PITPNM3: variants seen among roughly 807,000 people sequenced by gnomAD.
PITPNM3 encodes membrane-associated phosphatidylinositol transfer protein 3.
PITPNM3 carries 26 observed loss-of-function variants against 102.0 expected under a neutral mutation model. The observed-to-expected ratio is 0.25, with a 90% CI of 0.19 to 0.35. PITPNM3 has a LOEUF of 0.35. Among genes scored for constraint, PITPNM3 ranks in the 10% least tolerant of loss-of-function variants. The probability of loss-of-function intolerance (pLI) is 1.00; values close to 1 mark genes in which losing one functional copy is unlikely to be tolerated. For missense variants in PITPNM3, 1,083 were observed against 1,346.1 expected (o/e 0.80, Z 3.06); for synonymous variants, 578 against 558.6 (o/e 1.03, Z -0.49).
At chr17:6,531,434 T>C (rs958652159) in intron 2 of PITPNM3, among the ~76,000 whole-genome samples, 2 of 152,212 alleles carry the variant, frequency 1.3e-5, no homozygotes, top group Non-Finnish European at 2.9e-5. Flanking sequence ...CTCTAACATG[T>C]CAACCCATCC....
intron 17 of PITPNM3, among the ~76,000 whole-genome samples, chr17:6,463,337 G>A (rs374337817): frequency 6.7e-6 from 1 of 149,548 alleles, no homozygotes; most frequent in South Asian, 2.1e-4. Flanking sequence ...TCTGACTTAA[G>A]AGCTCGCTCT....
At chr17:6,551,884 G>C (rs188412433) in intron 1 of PITPNM3, among the ~76,000 whole-genome samples, 1 of 151,948 alleles carries the variant, frequency 6.6e-6, no homozygotes, top group East Asian at 1.9e-4. Flanking sequence ...GAGAGCACAC[G>C]CCCCACTCCA....
At chr17:6,493,983 C>A (rs1243357429) in intron 4 of PITPNM3, among the ~76,000 whole-genome samples, 2 of 152,174 alleles carry the variant, frequency 1.3e-5, no homozygotes, top group Non-Finnish European at 2.9e-5. Flanking sequence ...CACAGGGATG[C>A]TAGAGGGACA....
chr17:6,482,036 G>GTC lies in PITPNM3; in HGVS notation c.587+1479_587+1480dup, dbSNP rs1567670360. Among the ~76,000 whole-genome samples, 99 of 25,840 alleles carry GTC rather than the reference G, an allele frequency of 3.8e-3. 5 individuals carry two copies. The highest frequency in any genetic ancestry group is 4.5e-3 in the Non-Finnish European group (57 of 12,766). The allele number at this position is 25,840 out of a possible 152,430, so 17.0% of individuals were successfully genotyped here. ...TCTCTCTCTCTCTCTCTCTCTCTCT[G>GTC]TCTGTCTCTCTCTCTCTCTCTCTCT... On this transcript the variant is annotated intron_variant, in intron 6 of 19. Transcript: ENST00000262483.
chr17:6,467,254 G>T (rs1597364914), intron 14 of PITPNM3, among the ~76,000 whole-genome samples: 1 of 152,184 alleles, frequency 6.6e-6, no homozygotes, highest in African/African-American at 2.4e-5. Flanking sequence ...CAAGAAGCCA[G>T]ACACAAATGG....
At position 6,464,643 on chromosome 17, in the gene PITPNM3, A is replaced by G. The variant is rs760249529; in HGVS notation, c.2007+12T>C. 6.2e-7 allele frequency: 1 copy of G among 1,610,276 alleles called. No individual in the cohort carries two copies. Among genetic ancestry groups the G allele is most frequent in the Middle Eastern group, 1.7e-4 (1 of 6,038 alleles). Reference sequence around the variant, plus strand: ...TGGAGTGGCTGAGGAGGGGAGGCCCAGCCCCAGGTACCTTCTCTCCAGTCA... The same window carrying G: ...TGGAGTGGCTGAGGAGGGGAGGCCCGGCCCCAGGTACCTTCTCTCCAGTCA... On this transcript the variant is annotated intron_variant, in intron 15 of 19. Transcript: ENST00000262483.
intron 3 of PITPNM3, among the ~76,000 whole-genome samples, chr17:6,506,047 C>G (rs544271847): frequency 6.6e-6 from 1 of 152,104 alleles, no homozygotes; most frequent in East Asian, 1.9e-4. Flanking sequence ...GAGCATGGTC[C>G]CATTTACAGA....
Position 6,464,282 on chromosome 17 carries a change from G to T in PITPNM3, c.2044C>A (p.Arg682Ser). ...ILVMAEPSSG[R>S]WVHLDTEITN... ...ATCTCTGTGTCCAGGTGTACCCAGCGGCCTGAGGATGGCTCTGCCATTACT... is the reference window on the plus strand; with the variant it reads ...ATCTCTGTGTCCAGGTGTACCCAGCTGCCTGAGGATGGCTCTGCCATTACT... The change falls in exon 16 of 20, where the codon CGC becomes AGC. Residue 682 changes from arginine to serine, a missense_variant. This residue lies in a region of PITPNM3 where 410 missense variants were observed against 638.4 expected (regional missense o/e 0.64). Transcript: ENST00000262483. 1.2e-6 allele frequency: 2 copies of T among 1,614,062 alleles called. No homozygotes were observed. The highest frequency in any genetic ancestry group is 1.7e-6 in the Non-Finnish European group (2 of 1,180,010).
At chr17:6,484,041 A>G (rs892910215) in intron 5 of PITPNM3, among the ~76,000 whole-genome samples, 175 bp downstream of exon 5, 1 of 152,126 alleles carries the variant, frequency 6.6e-6, no homozygotes, top group Non-Finnish European at 1.5e-5. Context: ...GTCCCAAGAG[A>G]TGCTTCCTGT....
chr17:6,512,002 T>C (rs56867539), intron 3 of PITPNM3, among the ~76,000 whole-genome samples: 9,285 of 152,176 alleles, frequency 0.061, 619 homozygotes, highest in East Asian at 0.16. Context: ...AGCAGGCTTA[T>C]GGGTGAAAAA....
At chr17:6,474,633 G>A (rs72830319) in intron 9 of PITPNM3, 29 bp from the exon 10 acceptor site, 2 of 1,547,878 alleles carry the variant, frequency 1.3e-6, no homozygotes, top group Non-Finnish European at 1.7e-6. Flanking sequence ...GCAGGGCAGG[G>A]CAGGTCAGGG....
At position 6,451,928 on chromosome 17, in the gene PITPNM3, G is replaced by C. The variant is rs998318184; in HGVS notation, c.*3410C>G. ...GGTGGGAAAGTTGGTTGTTTAAGGC[G>C]GGGTCAGGGCACCCCTCCCGGGGCT... On this transcript the variant is annotated 3_prime_UTR_variant, in exon 20 of 20. Transcript: ENST00000262483. 1 of 148,512 alleles carries C rather than the reference G, an allele frequency of 6.7e-6. No individual in the cohort carries two copies. Among genetic ancestry groups the C allele is most frequent in the African/African-American group, 2.5e-5 (1 of 40,140 alleles). 9.2% of individuals were successfully genotyped at this position (148,512 alleles called of 1,614,324 possible).
rs1439300071 is a variant in PITPNM3, at chr17:6,452,154, AC to A, written c.*3183del. On this transcript the variant is annotated 3_prime_UTR_variant, in exon 20 of 20. Transcript: ENST00000262483. ...ACACATTTGTTTGCTGTAGCCCAGC[AC>A]CCAGACAAGAGGGCCGTTCATCCCA... 6.6e-6 allele frequency: 1 copy of A among 152,126 alleles called. No homozygotes were observed. Among genetic ancestry groups the A allele is most frequent in the Non-Finnish European group, 1.5e-5 (1 of 68,048 alleles). The allele number at this position is 152,126 out of a possible 1,614,324, so 9.4% of individuals were successfully genotyped here.
chr17:6,502,872 G>A (rs555159244), intron 4 of PITPNM3, among the ~76,000 whole-genome samples: 16 of 152,128 alleles, frequency 1.1e-4, no homozygotes, highest in African/African-American at 3.4e-4. Context: ...GCCACATCTC[G>A]ACCAGGTCTT....
At position 6,542,780 on chromosome 17, in the gene PITPNM3, C is replaced by T. The variant is rs527565543; in HGVS notation, c.23-4698G>A. Reference sequence around the variant, plus strand: ...ACCTGAGGGGCTTCCAGGCAGCTGCCAGGGGCCCTCCCCAAGGCCTCAGAG... The same window carrying T: ...ACCTGAGGGGCTTCCAGGCAGCTGCTAGGGGCCCTCCCCAAGGCCTCAGAG... On this transcript the variant is annotated intron_variant, in intron 1 of 19. Coordinates refer to ENST00000262483, the MANE Select transcript of PITPNM3 (RefSeq NM_031220.4). Among the ~76,000 whole-genome samples the T allele has an allele frequency of 2.0e-5, 3 of 152,364 alleles. No homozygotes were observed. In the East Asian group the frequency reaches 5.8e-4, roughly 29 times the overall value.
intron 2 of PITPNM3, among the ~76,000 whole-genome samples, chr17:6,531,389 G>A (rs1226248212): frequency 3.3e-5 from 5 of 152,170 alleles, no homozygotes; most frequent in African/African-American, 9.7e-5. Flanking sequence ...AGAACTTAGC[G>A]TTTCATAGCC....
In PITPNM3 at chr17:6,485,371, T is replaced by G. The variant is rs1906025200; in HGVS notation, c.275-1079A>C. Among the ~76,000 whole-genome samples the G allele has an allele frequency of 3.3e-5, 5 of 152,048 alleles. No homozygotes were observed. The South Asian group carries it at 1.0e-3, about 32-fold the overall frequency. ...CGGGGTTTCTCCATGTTGCTCAGGC[T>G]GGTCTCAAACTCCTGACCTCAAGTG... On this transcript the variant is annotated intron_variant, in intron 4 of 19. Coordinates refer to ENST00000262483, the MANE Select transcript of PITPNM3 (RefSeq NM_031220.4).
chr17:6,459,112 C>T lies in PITPNM3; in HGVS notation c.2491-1390G>A, dbSNP rs955483050. 9.2e-5 allele frequency among the ~76,000 whole-genome samples: 14 copies of T among 152,180 alleles called. No individual in the cohort carries two copies. The highest frequency in any genetic ancestry group is 6.5e-4 in the Admixed American group (10 of 15,278). On this transcript the variant is annotated intron_variant, in intron 18 of 19. Transcript: ENST00000262483. The surrounding 1 kb of genome is among the most constrained non-coding windows in gnomAD (Gnocchi z 5.0). ...CATTCACCTGAGCTCACTCCTATAA[C>T]TTGGATCCTCCAGCTCTGGCGACCC... is the stretch of plus-strand genomic sequence containing the variant.
rs1913853648 is a variant in PITPNM3 at position 6,451,876 on chromosome 17, C to CCA, written c.*3461_*3462insTG. ...TTCCAGGGCACTTGGCACCCAAACC[C>CCA]CCCCCCCCCGCCCGCCGATGGGATT... is the stretch of plus-strand genomic sequence containing the variant. On this transcript the variant is annotated 3_prime_UTR_variant, in exon 20 of 20. Transcript: ENST00000262483. 1.8e-4 allele frequency: 6 copies of CCA among 33,548 alleles called. No individual in the cohort carries two copies. The highest frequency in any genetic ancestry group is 7.6e-4 in the African/African-American group (6 of 7,844). 2.1% of individuals were successfully genotyped at this position (33,548 alleles called of 1,614,324 possible). A position where few individuals can be genotyped will look rare whatever the true frequency, so the allele number is the denominator to read the frequency against.
Sources: gnomAD v4.1 joint callset for allele counts (sites outside exome capture counted in the v4.1 genomes callset) on GRCh38, gnomAD v4.1.1 for gene constraint, gnomAD v4.1.1 regional missense constraint, Gnocchi (gnomAD v3.1) non-coding constraint, MANE v1.5 for transcripts, NCBI Gene and HGNC (gene_info 2026-07-23, HGNC 2026-07-21) for gene names.